The following XKR4 variants were observed in gnomAD, a reference collection of about 807,000 sequenced individuals.
XKR4 encodes XK related 4, also known as XK-related protein 4.
Under a neutral mutation model 53.9 loss-of-function variants are expected in XKR4, and 12 were observed. That is an observed-to-expected ratio of 0.22 (90% CI 0.14 to 0.36). The LOEUF is 0.36. Ranked by LOEUF, XKR4 falls within the 10% of genes least tolerant of loss-of-function variation. The pLI is 1.00. For synonymous variants in XKR4, 354 were observed against 362.4 expected (o/e 0.98, Z 0.26); for missense variants, 799 against 859.5 (o/e 0.93, Z 0.88).
At chr8:55,294,174 C>A (rs1819067412) in intron 1 of XKR4, among the ~76,000 whole-genome samples, 1 of 152,136 alleles carries the variant, frequency 6.6e-6, no homozygotes, top group African/African-American at 2.4e-5. Flanking sequence ...ACGATTTGTT[C>A]ATTTCTGTTA....
Position 55,122,796 on chromosome 8 carries a change from C to CT in XKR4, c.806+19512dup, listed in dbSNP as rs1033598710. On this transcript the variant is annotated intron_variant, in intron 1 of 2. Coordinates refer to ENST00000327381, the MANE Select transcript of XKR4 (RefSeq NM_052898.2). ...TGTGACTTGCAGCAAAGTGCCTGCCCTTTTTTTTTTCCTTCTGTTTAAGAA... is the reference window on the plus strand; with the variant it reads ...TGTGACTTGCAGCAAAGTGCCTGCCCTTTTTTTTTTTCCTTCTGTTTAAGAA... Among the ~76,000 whole-genome samples, 37 of 149,486 alleles carry CT rather than the reference C, an allele frequency of 2.5e-4. 1 individual carries two copies. In the South Asian group the frequency reaches 3.6e-3, roughly 15 times the overall value.
chr8:55,392,481 A>C (rs535173082), intron 2 of XKR4, among the ~76,000 whole-genome samples: 1 of 152,254 alleles, frequency 6.6e-6, no homozygotes, highest in Non-Finnish European at 1.5e-5. Context: ...TAAAAAGTAC[A>C]TTCGAGTTAC....
intron 1 of XKR4, among the ~76,000 whole-genome samples, chr8:55,243,344 C>T (rs1384004104): frequency 2.6e-5 from 4 of 152,224 alleles, no homozygotes; most frequent in Non-Finnish European, 4.4e-5. Context: ...CCCATTCATC[C>T]TTCCCTCCCT....
At chr8:55,119,581 T>C (rs1185274103) in intron 1 of XKR4, among the ~76,000 whole-genome samples, 4 of 152,090 alleles carry the variant, frequency 2.6e-5, no homozygotes, top group Non-Finnish European at 4.4e-5. Context: ...TTGACTGTGT[T>C]GGGGAATGCG....
chr8:55,295,152 G>C (rs940621806), intron 1 of XKR4, among the ~76,000 whole-genome samples: 1 of 152,172 alleles, frequency 6.6e-6, no homozygotes, highest in Non-Finnish European at 1.5e-5. Context: ...GGAAGGAATC[G>C]AGAGGTGATT....
chr8:55,291,323 C>T (rs544012631), intron 1 of XKR4, among the ~76,000 whole-genome samples: 11 of 152,224 alleles, frequency 7.2e-5, no homozygotes, highest in Non-Finnish European at 1.0e-4. Flanking sequence ...TATTCTTCAT[C>T]GAAACTGTTT....
chr8:55,341,384 T>G (rs1032424068), intron 1 of XKR4, among the ~76,000 whole-genome samples: 11 of 152,116 alleles, frequency 7.2e-5, no homozygotes, highest in African/African-American at 2.7e-4. Context: ...GGCTCTCCAG[T>G]CCTTTTAGGC....
intron 1 of XKR4, among the ~76,000 whole-genome samples, chr8:55,154,493 C>T (rs1816880081): frequency 6.6e-6 from 1 of 151,800 alleles, no homozygotes; most frequent in Non-Finnish European, 1.5e-5. Flanking sequence ...TTAAATATTC[C>T]CAAGAAAAAT....
At chr8:55,382,522 G>A (rs781671162) in intron 2 of XKR4, among the ~76,000 whole-genome samples, 6 of 152,188 alleles carry the variant, frequency 3.9e-5, no homozygotes, top group Non-Finnish European at 8.8e-5. Context: ...CCAGAGTACT[G>A]CAGTGGAACT....
chr8:55,392,356 T>C (rs1279699663), intron 2 of XKR4, among the ~76,000 whole-genome samples: 3 of 152,140 alleles, frequency 2.0e-5, no homozygotes, highest in African/African-American at 7.2e-5. Flanking sequence ...CAAAGACTCA[T>C]AGGTCACATT....
chr8:55,464,471 G>C (rs1039914149), intron 2 of XKR4, among the ~76,000 whole-genome samples: 1 of 152,058 alleles, frequency 6.6e-6, no homozygotes, highest in Non-Finnish European at 1.5e-5. Context: ...TTGATGGGAC[G>C]TATCTCAAAA....
rs924055924 is a variant in XKR4 at position 55,325,158 on chromosome 8, T to A, written c.807-32520T>A. On this transcript the variant is annotated intron_variant, in intron 1 of 2. Transcript: ENST00000327381. ...TTTAAAAAATAAATAAAAACCTAGT[T>A]AAAGGGTAAAATATGAGGCGTAATT... Among the ~76,000 whole-genome samples the A allele has an allele frequency of 5.3e-5, 8 of 152,154 alleles. 1 individual carries two copies. Among genetic ancestry groups the A allele is most frequent in the Admixed American group, 5.2e-4 (8 of 15,266 alleles).
At chr8:55,165,689 C>T (rs1271311768) in intron 1 of XKR4, among the ~76,000 whole-genome samples, 2 of 151,202 alleles carry the variant, frequency 1.3e-5, no homozygotes, top group African/African-American at 2.4e-5. Flanking sequence ...CCTGTAGTCC[C>T]AGCTATGTGG....
At chr8:55,422,077 T>A (rs6992622) in intron 2 of XKR4, among the ~76,000 whole-genome samples, 20,941 of 152,184 alleles carry the variant, frequency 0.14, 3,089 homozygotes, top group African/African-American at 0.37. Flanking sequence ...TATACAAGAC[T>A]AAAATATTAG....
At position 55,364,399 on chromosome 8, in the gene XKR4, C is replaced by T. The variant is rs568823512; in HGVS notation, c.1006+6522C>T. 3.3e-5 allele frequency among the ~76,000 whole-genome samples: 5 copies of T among 152,344 alleles called. No homozygotes were observed. The South Asian group carries it at 1.0e-3, about 32-fold the overall frequency. On this transcript the variant is annotated intron_variant, in intron 2 of 2. Coordinates refer to ENST00000327381, the MANE Select transcript of XKR4 (RefSeq NM_052898.2). ...CTCCTACGGGATGAGCCCTCCTCTC[C>T]AGCTCTGCTCAGGCCACGCCCTGCT...
intron 1 of XKR4, among the ~76,000 whole-genome samples, chr8:55,331,636 C>T (rs1466616746): frequency 6.6e-6 from 1 of 152,142 alleles, no homozygotes; most frequent in African/African-American, 2.4e-5. Context: ...ATGCTTGAGG[C>T]ATATACGTTG....
At chr8:55,465,674 G>T (rs1805754875) in intron 2 of XKR4, among the ~76,000 whole-genome samples, 2 of 152,106 alleles carry the variant, frequency 1.3e-5, no homozygotes, top group Admixed American at 1.3e-4. Context: ...CACAGCAAAA[G>T]AAACCACCAT....
chr8:55,260,839 A>G (rs1362065601), intron 1 of XKR4, among the ~76,000 whole-genome samples: 2 of 152,186 alleles, frequency 1.3e-5, no homozygotes, highest in African/African-American at 4.8e-5. Flanking sequence ...AAAAGGGAAG[A>G]TGGAGCCGCC....
intron 1 of XKR4, among the ~76,000 whole-genome samples, chr8:55,316,482 T>G (rs890154580): frequency 6.6e-6 from 1 of 152,230 alleles, no homozygotes; most frequent in Non-Finnish European, 1.5e-5. Flanking sequence ...ATAGATCTAT[T>G]TAGGACAGAA....
Sources: allele counts gnomAD v4.1 joint callset (sites outside exome capture counted in the v4.1 genomes callset), GRCh38; gene constraint gnomAD v4.1.1; transcripts MANE v1.5; gene names NCBI Gene and HGNC (gene_info 2026-07-23, HGNC 2026-07-21).